The following C2CD3 variants were observed in gnomAD, a reference collection of about 807,000 sequenced individuals.
The protein encoded by C2CD3 is C2 domain-containing protein 3.
In C2CD3, 148 loss-of-function variants were observed where a neutral mutation model predicts 234.0. That is an observed-to-expected ratio of 0.63 (90% confidence interval 0.55 to 0.72). The LOEUF (loss-of-function observed/expected upper bound fraction) is 0.72, where lower values mean the gene tolerates loss of function less well. C2CD3 is among the 30% of genes least tolerant of loss of function. C2CD3 has a pLI of 0.00. For missense variants in C2CD3, 2,577 were observed against 2,811.5 expected (o/e 0.92, Z 1.89); for synonymous variants, 1,000 against 1,035.4 (o/e 0.97, Z 0.66).
At chr11:74,118,147 TG>T in intron 9 of C2CD3, 80 bp downstream of exon 9, 1 of 1,054,508 alleles carries the variant, frequency 9.5e-7, no homozygotes, top group Non-Finnish European at 1.4e-6. Flanking sequence ...GCTGGGCAAA[TG>T]GGTCATTTCA....
Position 74,033,649 on chromosome 11 carries a change from TG to T in C2CD3, c.6510del (p.Asn2171ThrfsTer60). On this transcript the variant is annotated frameshift_variant, in exon 31 of 33. Transcript: ENST00000334126. LOFTEE classifies it high-confidence loss of function. ...KARVGGESAS[A>X]NPQPIPCPTL... ...GTTGGGCATGGGATGGGCTGAGGGT[TG>T]GCTGAGGCAGACTCGCCACCAACCC... The T allele has an allele frequency of 6.5e-7, 1 of 1,536,188 alleles. No individual in the cohort carries two copies. The highest frequency in any genetic ancestry group is 8.7e-7 in the Non-Finnish European group (1 of 1,146,916).
At chr11:74,105,174 G>A (rs187570401) in intron 13 of C2CD3, among the ~76,000 whole-genome samples, 1 of 152,196 alleles carries the variant, frequency 6.6e-6, no homozygotes, top group Non-Finnish European at 1.5e-5. Flanking sequence ...CTGTAAGAGA[G>A]AAGGTTGAAA....
In C2CD3 at chr11:74,049,413, A is replaced by G. The variant is rs141221371; in HGVS notation, c.5285T>C (p.Val1762Ala). The change falls in exon 27 of 33, where the codon GTC becomes GCC. Residue 1762 changes from valine (V) to alanine (A), a missense_variant. Physicochemically the swap from Val to Ala is moderately conservative, Grantham distance 64 (BLOSUM62 0). Transcript: ENST00000334126. ...GTGTATCAAACTCTCCAAAGGGGAG[A>G]CAGCAACTTTTATCTGCCCCTGGCA... is the stretch of plus-strand genomic sequence containing the variant. The part of the protein sequence containing the change: ...GECQGQIKVA[V>A]SPLESLIHFK... 6.2e-7 allele frequency: 1 copy of G among 1,614,070 alleles called. No homozygotes were observed. Among genetic ancestry groups the G allele is most frequent in the South Asian group, 1.1e-5 (1 of 91,076 alleles).
intron 12 of C2CD3, among the ~76,000 whole-genome samples, chr11:74,108,599 G>A (rs2135503135): frequency 6.6e-6 from 1 of 152,252 alleles, no homozygotes. Flanking sequence ...CTAATAGCCT[G>A]TATCAATATA....
At chr11:74,169,653 T>C (rs1242741696) in intron 1 of C2CD3, among the ~76,000 whole-genome samples, 3 of 152,194 alleles carry the variant, frequency 2.0e-5, no homozygotes, top group African/African-American at 7.2e-5. Flanking sequence ...ATGGAAATGG[T>C]ATAGCAAAAA....
At chr11:74,018,944 C>A (rs1951977811) in intron 32 of C2CD3, among the ~76,000 whole-genome samples, 2 of 152,178 alleles carry the variant, frequency 1.3e-5, no homozygotes, top group South Asian at 4.1e-4. Context: ...CTCCTTACTC[C>A]AAGAAGCCTT....
intron 26 of C2CD3, among the ~76,000 whole-genome samples, chr11:74,052,785 G>T (rs1953758266): frequency 6.6e-6 from 1 of 152,154 alleles, no homozygotes; most frequent in African/African-American, 2.4e-5. Flanking sequence ...CTCACCAACA[G>T]GAGCACAGGC....
rs775190326 is a variant in C2CD3 at position 74,113,804 on chromosome 11, C to G, written c.1819G>C (p.Ala607Pro). 6.2e-7 allele frequency: 1 copy of G among 1,609,960 alleles called. No homozygotes were observed. The highest frequency in any genetic ancestry group is 2.2e-5 in the East Asian group (1 of 44,848). Residue 607 changes from alanine (A) to proline (P), a missense_variant, in exon 11 of 33, where the codon GCC (alanine) becomes CCC (proline). Coordinates refer to ENST00000334126, the MANE Select transcript of C2CD3 (RefSeq NM_001286577.2). ...CTTCCATCTGTAATTTTACTGGAGG[C>G]GAGTCGAACAACCTCAGTGATCAAA... ...TALITEVVRL[A>P]SSKITDGKVK... is the part of the protein sequence containing the mutation.
chr11:74,051,196 T>G (rs965027110), intron 26 of C2CD3, among the ~76,000 whole-genome samples: 1 of 147,850 alleles, frequency 6.8e-6, no homozygotes, highest in Admixed American at 6.6e-5. Flanking sequence ...CTTGGAAGGC[T>G]GAGGTGGGAG....
At chr11:74,107,139 T>C (rs1458293271) in intron 12 of C2CD3, among the ~76,000 whole-genome samples, 1 of 152,082 alleles carries the variant, frequency 6.6e-6, no homozygotes, top group Non-Finnish European at 1.5e-5. Flanking sequence ...CTGGCCAACA[T>C]GGTGAAACCC....
At chr11:74,024,084 C>A (rs1374138542) in intron 32 of C2CD3, among the ~76,000 whole-genome samples, 3 of 152,164 alleles carry the variant, frequency 2.0e-5, no homozygotes, top group African/African-American at 7.2e-5. Context: ...CTATCCCATT[C>A]CCTACCTCCA....
At chr11:74,152,122 C>A (rs537781955) in intron 3 of C2CD3, among the ~76,000 whole-genome samples, 9 of 151,972 alleles carry the variant, frequency 5.9e-5, no homozygotes, top group Non-Finnish European at 1.3e-4. Context: ...CATGCTGGCT[C>A]CTTGAAAAGA....
intron 5 of C2CD3, among the ~76,000 whole-genome samples, 164 bp downstream of exon 5, chr11:74,138,556 C>T (rs188100665): frequency 3.7e-3 from 558 of 152,268 alleles, no homozygotes; most frequent in Middle Eastern, 6.8e-3. Context: ...TGGTTTAATA[C>T]GGCTGTCTTT....
intron 3 of C2CD3, among the ~76,000 whole-genome samples, chr11:74,147,730 C>G (rs1251545411): frequency 6.6e-6 from 1 of 152,190 alleles, no homozygotes; most frequent in Admixed American, 6.5e-5. Flanking sequence ...TTACTCATTA[C>G]TTGATGACTG....
In C2CD3 at chr11:74,042,067, G is replaced by A. The variant is rs1228986367; in HGVS notation, c.5647C>T (p.Leu1883=). Residue 1883 remains leucine (L), a synonymous_variant, in exon 29 of 33, where the codon CTG becomes TTG. Coordinates refer to ENST00000334126, the MANE Select transcript of C2CD3 (RefSeq NM_001286577.2). The part of the protein sequence containing the change: ...TSPLSSQTSI[L]TSLRKNLSEL... ...GTAGAGCCTCACCTGAGAGAAGTCA[G>A]AATGGAGGTTTGGGAGGACAAAGGT... 1.2e-6 allele frequency: 2 copies of A among 1,614,036 alleles called. No homozygotes were observed. The highest frequency in any genetic ancestry group is 1.3e-5 in the African/African-American group (1 of 75,004).
In C2CD3 at chr11:74,042,085, A is replaced by G; in HGVS notation, c.5629T>C (p.Ser1877Pro). The G allele has an allele frequency of 6.2e-7, 1 of 1,614,160 alleles. No homozygotes were observed. The highest frequency in any genetic ancestry group is 8.5e-7 in the Non-Finnish European group (1 of 1,180,016). ...GAAGTCAGAATGGAGGTTTGGGAGG[A>G]CAAAGGTGATGTGGTCAGTTTGTCA... ...CDDKLTTSPLSSQTSILTSLR... is the reference protein window; with the variant it reads ...CDDKLTTSPLPSQTSILTSLR... Residue 1877 changes from serine to proline, a missense_variant, in exon 29 of 33, where the codon TCC becomes CCC. Ser to Pro is a moderately conservative substitution (Grantham distance 74). Transcript: ENST00000334126.
At chr11:74,157,656 A>G (rs1856124933) in intron 3 of C2CD3, among the ~76,000 whole-genome samples, 1 of 152,168 alleles carries the variant, frequency 6.6e-6, no homozygotes, top group South Asian at 2.1e-4. Context: ...TTTTTAGACT[A>G]TTTTCTTATT....
chr11:74,118,901 G>T (rs1049872335), intron 8 of C2CD3, among the ~76,000 whole-genome samples: 1 of 145,808 alleles, frequency 6.9e-6, no homozygotes, highest in Non-Finnish European at 1.5e-5. Flanking sequence ...CATCTGGATA[G>T]ACTATTTTTT....
intron 23 of C2CD3, among the ~76,000 whole-genome samples, chr11:74,077,783 AT>A (rs1955110640): frequency 6.9e-4 from 1 of 1,440 alleles, no homozygotes; most frequent in Admixed American, 5.0e-3. Flanking sequence ...ATATATATAT[AT>A]ATATATATAT....
Sources: allele counts gnomAD v4.1 joint callset (sites outside exome capture counted in the v4.1 genomes callset), GRCh38; gene constraint gnomAD v4.1.1; transcripts MANE v1.5; gene names NCBI Gene and HGNC (gene_info 2026-07-23, HGNC 2026-07-21).